The following RBM47 variants were observed in gnomAD, a reference collection of about 807,000 sequenced individuals.
RBM47 encodes the protein RNA binding motif protein 47.
RBM47 carries 21 observed loss-of-function variants against 47.1 expected under a neutral mutation model. The ratio of observed to expected loss-of-function variants is 0.45; its 90% CI spans 0.32 to 0.64. RBM47 has a LOEUF of 0.64. RBM47 is among the 30% of genes least tolerant of loss of function. The pLI, the probability that RBM47 is intolerant of heterozygous loss-of-function variation, is 0.05. For missense variants in RBM47, 708 were observed against 870.9 expected (o/e 0.81, Z 2.35); for synonymous variants, 375 against 361.7 (o/e 1.04, Z -0.42).
intron 1 of RBM47, among the ~76,000 whole-genome samples, chr4:40,583,509 T>C (rs1224471625): frequency 6.6e-6 from 1 of 151,462 alleles, no homozygotes; most frequent in Non-Finnish European, 1.5e-5. Context: ...AACACTAGCC[T>C]GGGCAATGTA....
Position 40,437,567 on chromosome 4 carries a change from C to T in RBM47, c.1123+204G>A, listed in dbSNP as rs988708502. Among the ~76,000 whole-genome samples, 4 of 152,144 alleles carry T rather than the reference C, an allele frequency of 2.6e-5. No homozygotes were observed. In the East Asian group the frequency reaches 7.7e-4, roughly 29 times the overall value. On this transcript the variant is annotated intron_variant, in intron 4 of 6. Coordinates refer to ENST00000295971, the MANE Select transcript of RBM47 (RefSeq NM_001098634.2). ...TGTGATTTTACCGCTCACCCCAGAA[C>T]GATCTGTATTTCTATCAGTGCTGCA...
At chr4:40,601,257 G>A (rs1735261429) in intron 1 of RBM47, among the ~76,000 whole-genome samples, 1 of 152,192 alleles carries the variant, frequency 6.6e-6, no homozygotes, top group South Asian at 2.1e-4. Flanking sequence ...CTGTAAAATA[G>A]AGACACTGGT....
intron 2 of RBM47, among the ~76,000 whole-genome samples, chr4:40,537,403 C>G (rs1428106310): frequency 2.0e-5 from 3 of 151,862 alleles, no homozygotes; most frequent in Non-Finnish European, 4.4e-5. Flanking sequence ...GCTGGGACTA[C>G]AGGTGCAAGC....
At chr4:40,549,533 T>A (rs891126589) in intron 1 of RBM47, among the ~76,000 whole-genome samples, 8 of 151,128 alleles carry the variant, frequency 5.3e-5, no homozygotes, top group African/African-American at 1.9e-4. Context: ...CGTTTTTTTT[T>A]TTTTTTTGAG....
At chr4:40,541,281 AT>A (rs1454230363) in intron 2 of RBM47, among the ~76,000 whole-genome samples, 2 of 142,680 alleles carry the variant, frequency 1.4e-5, no homozygotes, top group African/African-American at 2.7e-5. Flanking sequence ...AAAAAAAAAA[AT>A]CGCATCAAAT....
intron 2 of RBM47, among the ~76,000 whole-genome samples, chr4:40,497,428 G>A (rs1237842291): frequency 1.3e-5 from 2 of 152,010 alleles, no homozygotes; most frequent in Non-Finnish European, 2.9e-5. Context: ...GACCAGCCTG[G>A]GCAACATAGT....
chr4:40,558,508 GTC>G, intron 1 of RBM47, among the ~76,000 whole-genome samples: 1 of 124,058 alleles, frequency 8.1e-6, no homozygotes, highest in South Asian at 2.6e-4. Flanking sequence ...GTGAAACCCT[GTC>G]TCTATTAAAA....
At chr4:40,617,350 A>C (rs1736845337) in intron 1 of RBM47, among the ~76,000 whole-genome samples, 1 of 151,996 alleles carries the variant, frequency 6.6e-6, no homozygotes, top group Non-Finnish European at 1.5e-5. Context: ...CAAGGTCAGG[A>C]GATGGAGACC....
At chr4:40,560,438 T>TG (rs1730499516) in intron 1 of RBM47, among the ~76,000 whole-genome samples, 2 of 122,126 alleles carry the variant, frequency 1.6e-5, no homozygotes, top group African/African-American at 8.0e-5. Flanking sequence ...CCAGGTGCAT[T>TG]TAAAAAAAAA....
intron 2 of RBM47, chr4:40,491,778 T>C (rs1474545781): frequency 9.6e-6 from 2 of 207,544 alleles, no homozygotes; most frequent in Non-Finnish European, 2.0e-5. Flanking sequence ...CGCAATAAGA[T>C]GCACACGATG....
In RBM47 at chr4:40,628,397, CT is replaced by C. The variant is rs1278367868; in HGVS notation, c.-240+998del. Among the ~76,000 whole-genome samples, 2 of 152,160 alleles carry C rather than the reference CT, an allele frequency of 1.3e-5. No homozygotes were observed. The highest frequency in any genetic ancestry group is 6.5e-5 in the Admixed American group (1 of 15,280). On this transcript the variant is annotated intron_variant, in intron 1 of 6. Coordinates refer to ENST00000295971, the MANE Select transcript of RBM47 (RefSeq NM_001098634.2). The surrounding 1 kb of genome is among the most constrained non-coding windows in gnomAD (Gnocchi z 4.0). ...CTCTTCTTATGCTCTAGGTTGAGTA[CT>C]TTGGTTTATCTAGAGGTTGTGTGTT... is the stretch of plus-strand genomic sequence containing the variant.
intron 3 of RBM47, among the ~76,000 whole-genome samples, chr4:40,442,855 G>A (rs560805806): frequency 6.6e-6 from 1 of 152,118 alleles, no homozygotes; most frequent in African/African-American, 2.4e-5. Context: ...TGTATTTTTA[G>A]TACAGGTGGG....
intron 2 of RBM47, among the ~76,000 whole-genome samples, chr4:40,507,966 T>G (rs1464385671): frequency 6.6e-6 from 1 of 151,976 alleles, no homozygotes; most frequent in Admixed American, 6.6e-5. Flanking sequence ...CTTGGGAGGC[T>G]GAGGCAGGAG....
rs190152140 is a variant in RBM47 at position 40,508,054 on chromosome 4, G to A, written c.-155+36368C>T. On this transcript the variant is annotated intron_variant, in intron 2 of 6. Coordinates refer to ENST00000295971, the MANE Select transcript of RBM47 (RefSeq NM_001098634.2). ...GCACCCCAGCCTGGGCAACAAGAGCGAAATCCCATCTCAAAAAGAAAAGAA... is the reference window on the plus strand; with the variant it reads ...GCACCCCAGCCTGGGCAACAAGAGCAAAATCCCATCTCAAAAAGAAAAGAA... Among the ~76,000 whole-genome samples the A allele has an allele frequency of 3.9e-4, 59 of 152,258 alleles. No individual in the cohort carries two copies. In the East Asian group the frequency reaches 0.011, roughly 27 times the overall value.
intron 1 of RBM47, among the ~76,000 whole-genome samples, chr4:40,554,118 T>A (rs182014322): frequency 6.6e-4 from 100 of 152,288 alleles, no homozygotes; most frequent in African/African-American, 2.3e-3. Flanking sequence ...GTGCAAAGAA[T>A]GCACTCAGTG....
intron 6 of RBM47, among the ~76,000 whole-genome samples, chr4:40,431,527 G>T (rs534809281): frequency 3.3e-5 from 5 of 152,006 alleles, no homozygotes; most frequent in South Asian, 2.1e-4. Context: ...GCATGGTGGC[G>T]TGCGCCTGTA....
intron 1 of RBM47, among the ~76,000 whole-genome samples, chr4:40,567,169 G>A (rs964781185): frequency 2.6e-5 from 4 of 151,680 alleles, no homozygotes; most frequent in Non-Finnish European, 5.9e-5. Flanking sequence ...ATTATGAATC[G>A]GTGACACCAA....
At chr4:40,459,768 T>A (rs1258560839) in intron 3 of RBM47, among the ~76,000 whole-genome samples, 8 of 152,000 alleles carry the variant, frequency 5.3e-5, no homozygotes, top group Non-Finnish European at 8.8e-5. Flanking sequence ...GAGACAGAGT[T>A]TCATTCTTGT....
intron 1 of RBM47, among the ~76,000 whole-genome samples, chr4:40,576,416 T>C (rs1732344453): frequency 6.6e-6 from 1 of 152,052 alleles, no homozygotes; most frequent in Non-Finnish European, 1.5e-5. Context: ...CCACCATGCC[T>C]GGCCTCCAAG....
Sources: gnomAD v4.1 joint callset for allele counts (sites outside exome capture counted in the v4.1 genomes callset) on GRCh38, gnomAD v4.1.1 for gene constraint, Gnocchi (gnomAD v3.1) non-coding constraint, MANE v1.5 for transcripts, NCBI Gene and HGNC (gene_info 2026-07-23, HGNC 2026-07-21) for gene names.